Variants in TSPAN11 observed in about 807,000 individuals in gnomAD.
The protein encoded by TSPAN11 is tetraspanin 11, also known as tetraspanin-11.
TSPAN11 carries 29 observed loss-of-function variants against 32.9 expected under a neutral mutation model. The ratio of observed to expected loss-of-function variants is 0.88; its 90% CI spans 0.66 to 1.20. The LOEUF (loss-of-function observed/expected upper bound fraction) is 1.20. TSPAN11 is among the 50% of genes most tolerant of loss of function. The pLI is 0.00. For synonymous variants in TSPAN11, 140 were observed against 141.3 expected, an observed-to-expected ratio of 0.99 and a Z score of 0.07; for missense variants, 283 against 329.1, an observed-to-expected ratio of 0.86 and a Z score of 1.08.
chr12:30,961,986 A>AT (rs1345683306), intron 2 of TSPAN11, among the ~76,000 whole-genome samples: 1 of 152,096 alleles, frequency 6.6e-6, no homozygotes, highest in Non-Finnish European at 1.5e-5. Context: ...AGATAATTTT[A>AT]AAACCTATTC....
chr12:30,981,390 G>C (rs1469233700), intron 5 of TSPAN11, among the ~76,000 whole-genome samples: 2 of 152,208 alleles, frequency 1.3e-5, no homozygotes, highest in Non-Finnish European at 2.9e-5. Flanking sequence ...TCTTCTAAGT[G>C]CTTTATATGA....
intron 4 of TSPAN11, among the ~76,000 whole-genome samples, chr12:30,979,177 G>A (rs1312438385): frequency 1.3e-5 from 2 of 152,160 alleles, no homozygotes; most frequent in Non-Finnish European, 2.9e-5. Context: ...TGCCCACAGG[G>A]TAACAATTAT....
chr12:30,958,990 A>C (rs1938555787), intron 2 of TSPAN11, among the ~76,000 whole-genome samples: 1 of 152,162 alleles, frequency 6.6e-6, no homozygotes, highest in African/African-American at 2.4e-5. Flanking sequence ...CTCTGGGACT[A>C]CTGGGACTTT....
chr12:30,964,690 C>A (rs1192819746), intron 3 of TSPAN11, among the ~76,000 whole-genome samples: 1 of 152,158 alleles, frequency 6.6e-6, no homozygotes, highest in Non-Finnish European at 1.5e-5. Context: ...AACTTAAGGA[C>A]CCTCTTCTAG....
chr12:30,939,109 T>C (rs993640870), intron 1 of TSPAN11, among the ~76,000 whole-genome samples: 10 of 151,804 alleles, frequency 6.6e-5, no homozygotes, highest in African/African-American at 2.2e-4. Context: ...GGCATGGTGG[T>C]GCATGCCTGT....
the TSPAN11 span, among the ~76,000 whole-genome samples, chr12:31,016,254 C>T: frequency 2.6e-5 from 4 of 152,046 alleles, no homozygotes; most frequent in South Asian, 6.2e-4. Flanking sequence ...GGACGCAAGG[C>T]GGGAGTTGGG....
At chr12:30,987,946 T>C (rs1313283182) in intron 7 of TSPAN11, among the ~76,000 whole-genome samples, 1 of 152,228 alleles carries the variant, frequency 6.6e-6, no homozygotes, top group African/African-American at 2.4e-5. Flanking sequence ...ACAATTTGAA[T>C]TGCTAAACAG....
At chr12:30,981,320 TCA>T (rs1939087370) in intron 5 of TSPAN11, among the ~76,000 whole-genome samples, 2 of 152,316 alleles carry the variant, frequency 1.3e-5, no homozygotes, top group African/African-American at 4.8e-5. Flanking sequence ...AAAGCTGTAT[TCA>T]CACAAGCGTG....
intron 1 of TSPAN11, 27 bp downstream of exon 1, chr12:30,926,823 T>A (rs1283009173): frequency 2.9e-6 from 2 of 684,550 alleles, no homozygotes; most frequent in Non-Finnish European, 4.1e-6. Flanking sequence ...GCCCGAGGAG[T>A]GGGGGCGCCG....
chr12:31,005,010 T>C, the TSPAN11 span, among the ~76,000 whole-genome samples: 3 of 152,170 alleles, frequency 2.0e-5, no homozygotes, highest in Non-Finnish European at 4.4e-5. Context: ...GCAGGACCCC[T>C]GTGTCCTCTC....
chr12:30,950,277 GAGAC>G (rs1260121049), intron 1 of TSPAN11, among the ~76,000 whole-genome samples: 2 of 152,206 alleles, frequency 1.3e-5, no homozygotes, highest in Non-Finnish European at 2.9e-5. Flanking sequence ...CTCCAAAGTG[GAGAC>G]AGACAGTACA....
At position 30,994,803 on chromosome 12, in the gene TSPAN11, TC is replaced by T. The variant is rs1197456518; in HGVS notation, c.*2893del. ...GTTACCCCAGCAAGAGGGTGTTATT[TC>T]CCCCATTTTATAAAAGGAAATTAAG... On this transcript the variant is annotated 3_prime_UTR_variant, in exon 8 of 8. Coordinates refer to ENST00000546076, the MANE Select transcript of TSPAN11 (RefSeq NM_001370302.1). 2 of 152,152 alleles carry T rather than the reference TC, an allele frequency of 1.3e-5. No homozygotes were observed. The highest frequency in any genetic ancestry group is 4.8e-5 in the African/African-American group (2 of 41,422). The allele number at this position is 152,152 out of a possible 1,614,324, so 9.4% of individuals were successfully genotyped here. A position where few individuals can be genotyped will look rare whatever the true frequency, so the allele number is the denominator to read the frequency against.
At chr12:31,003,432 G>A in the TSPAN11 span, among the ~76,000 whole-genome samples, 8,293 of 152,260 alleles carry the variant, frequency 0.054, 421 homozygotes, top group East Asian at 0.17. Context: ...TCTGCAAACG[G>A]ACAGATGAGC....
Position 30,954,049 on chromosome 12 carries a change from C to T in TSPAN11, c.58C>T (p.Leu20Phe), listed in dbSNP as rs764740232. ...GCTGATCATCTACTTGAAGTATTTA[C>T]TCTTTGTCTTCAACTTCTTCTTCTG... is the stretch of plus-strand genomic sequence containing the variant. ...DWLIIYLKYL[L>F]FVFNFFFWVG... The change falls in exon 2 of 8, where the codon CTC (leucine) becomes TTC (phenylalanine). Residue 20 changes from leucine to phenylalanine, a missense_variant. Leu to Phe is a conservative substitution (Grantham distance 22). Transcript: ENST00000546076. 6 of 1,613,622 alleles carry T rather than the reference C, an allele frequency of 3.7e-6. No individual in the cohort carries two copies. Among genetic ancestry groups the T allele is most frequent in the Admixed American group, 3.3e-5 (2 of 60,004 alleles).
At chr12:30,986,934 T>C (rs951339175) in intron 7 of TSPAN11, 3 of 152,234 alleles carry the variant, frequency 2.0e-5, no homozygotes, top group African/African-American at 7.2e-5. Flanking sequence ...TTCATTTTTC[T>C]TGGTGATCTC....
At chr12:31,008,083 C>T in the TSPAN11 span, among the ~76,000 whole-genome samples, 1 of 148,852 alleles carries the variant, frequency 6.7e-6, no homozygotes, top group East Asian at 2.0e-4. Context: ...AGTGTTCACC[C>T]TCCAACAACT....
At position 30,992,269 on chromosome 12, in the gene TSPAN11, C is replaced by T. The variant is rs979037765; in HGVS notation, c.*354C>T. On this transcript the variant is annotated 3_prime_UTR_variant, in exon 8 of 8. Transcript: ENST00000546076. ...TCCCAGCTCCTGAACCTGGAACAAT[C>T]GGCAGAAAACCCAGGAACCCCGGCA... 1.5e-5 allele frequency: 5 copies of T among 334,326 alleles called. No homozygotes were observed. Among genetic ancestry groups the T allele is most frequent in the Admixed American group, 7.7e-5 (2 of 25,984 alleles). 20.7% of individuals were successfully genotyped at this position (334,326 alleles called of 1,614,324 possible).
At chr12:30,972,003 A>G (rs901601753) in intron 3 of TSPAN11, among the ~76,000 whole-genome samples, 2 of 152,336 alleles carry the variant, frequency 1.3e-5, no homozygotes, top group South Asian at 4.1e-4. Flanking sequence ...GGAAAGATGA[A>G]TATTTGGATC....
In TSPAN11 at chr12:30,995,511, T is replaced by C. The variant is rs1939399526; in HGVS notation, c.*3596T>C. On this transcript the variant is annotated 3_prime_UTR_variant, in exon 8 of 8. Transcript: ENST00000546076. ...CCTGTGGGGTGTGGGGGGAATATGG[T>C]AGATCATTGTGATGTGCCTCGGGGC... The C allele has an allele frequency of 6.6e-6, 1 of 152,218 alleles. No homozygotes were observed. The highest frequency in any genetic ancestry group is 2.4e-5 in the African/African-American group (1 of 41,398). 9.4% of individuals were successfully genotyped at this position (152,218 alleles called of 1,614,324 possible).
Sources: allele counts gnomAD v4.1 joint callset (sites outside exome capture counted in the v4.1 genomes callset), GRCh38; gene constraint gnomAD v4.1.1; transcripts MANE v1.5; gene names NCBI Gene and HGNC (gene_info 2026-07-23, HGNC 2026-07-21).